ARHGAP42: variants seen among roughly 807,000 people sequenced by gnomAD.
ARHGAP42 encodes the protein rho GTPase-activating protein 42.
A neutral mutation model predicts 125.0 loss-of-function variants in ARHGAP42; 63 were observed. The observed-to-expected ratio is 0.50, with a 90% CI of 0.41 to 0.62. ARHGAP42 has a LOEUF of 0.62. Ranked by LOEUF, ARHGAP42 falls within the 20% of genes least tolerant of loss-of-function variation. ARHGAP42 has a pLI of 0.00. For missense variants in ARHGAP42, 766 were observed against 1,024.2 expected (o/e 0.75, Z 3.44); for synonymous variants, 339 against 351.0 (o/e 0.97, Z 0.38).
chr11:100,878,185 A>G (rs1263842532), intron 4 of ARHGAP42, among the ~76,000 whole-genome samples: 1 of 151,274 alleles, frequency 6.6e-6, no homozygotes, highest in East Asian at 2.0e-4. Flanking sequence ...CTGGAGTGCA[A>G]TGGCACAATC....
intron 1 of ARHGAP42, among the ~76,000 whole-genome samples, chr11:100,700,795 G>A (rs531116476): frequency 6.6e-6 from 1 of 152,146 alleles, no homozygotes; most frequent in African/African-American, 2.4e-5. Flanking sequence ...CATATATAAG[G>A]GTTAAAAATC....
At chr11:100,927,983 A>G (rs976422919) in intron 6 of ARHGAP42, among the ~76,000 whole-genome samples, 3 of 152,110 alleles carry the variant, frequency 2.0e-5, no homozygotes, top group Non-Finnish European at 4.4e-5. Flanking sequence ...CGATTTATAT[A>G]TGCTTTCGTT....
In ARHGAP42 at chr11:100,991,916, A is replaced by G. The variant is rs1454362627; in HGVS notation, c.*3115A>G. ...TTATCTAGGTTTCCAAGTAGGAAAA[A>G]TAAAGATACATATGACTTTTATTAT... On this transcript the variant is annotated 3_prime_UTR_variant, in exon 24 of 24. Transcript: ENST00000298815. The G allele has an allele frequency of 6.2e-6, 1 of 161,204 alleles. No individual in the cohort carries two copies. Among genetic ancestry groups the G allele is most frequent in the Non-Finnish European group, 1.3e-5 (1 of 74,398 alleles). The allele number at this position is 161,204 out of a possible 1,614,324, so 10.0% of individuals were successfully genotyped here.
intron 1 of ARHGAP42, among the ~76,000 whole-genome samples, chr11:100,752,158 G>A (rs1049704142): frequency 2.6e-5 from 4 of 152,136 alleles, no homozygotes; most frequent in Non-Finnish European, 5.9e-5. Context: ...TCTCGTGCAA[G>A]CCTGAACCTG....
At chr11:100,924,426 G>C (rs2135248455) in intron 6 of ARHGAP42, among the ~76,000 whole-genome samples, 1 of 152,062 alleles carries the variant, frequency 6.6e-6, no homozygotes, top group South Asian at 2.1e-4. Flanking sequence ...CAGCACTTTG[G>C]GAGGCCGAGG....
intron 22 of ARHGAP42, among the ~76,000 whole-genome samples, chr11:100,982,416 G>A (rs1175203125): frequency 3.3e-5 from 5 of 152,202 alleles, no homozygotes; most frequent in African/African-American, 4.8e-5. Flanking sequence ...CCCTCCCCAA[G>A]TGATTCTTAT....
chr11:100,974,113 G>C (rs1858325288), intron 18 of ARHGAP42, among the ~76,000 whole-genome samples: 1 of 152,180 alleles, frequency 6.6e-6, no homozygotes, highest in African/African-American at 2.4e-5. Context: ...CCATTCAGTG[G>C]GAGAAATGAT....
At chr11:100,956,017 G>A (rs1857795752) in intron 12 of ARHGAP42, among the ~76,000 whole-genome samples, 1 of 152,094 alleles carries the variant, frequency 6.6e-6, no homozygotes, top group South Asian at 2.1e-4. Flanking sequence ...AACTATTTTA[G>A]CCATCTTGTC....
At chr11:100,936,497 T>C (rs573838430) in intron 8 of ARHGAP42, among the ~76,000 whole-genome samples, 165 bp downstream of exon 8, 1 of 152,336 alleles carries the variant, frequency 6.6e-6, no homozygotes, top group East Asian at 1.9e-4. Flanking sequence ...TTCCGCATTT[T>C]GCCATCAGGA....
chr11:100,737,559 G>T (rs1045533034), intron 1 of ARHGAP42, among the ~76,000 whole-genome samples: 4 of 150,858 alleles, frequency 2.7e-5, no homozygotes, highest in Non-Finnish European at 5.9e-5. Context: ...GATCATACTG[G>T]TGTCCCACCT....
intron 4 of ARHGAP42, among the ~76,000 whole-genome samples, chr11:100,876,568 A>G (rs1010474229): frequency 6.6e-6 from 1 of 152,238 alleles, no homozygotes; most frequent in South Asian, 2.1e-4. Flanking sequence ...TACTTTATAC[A>G]AAATCAGCCA....
At chr11:100,699,374 T>A (rs1591113691) in intron 1 of ARHGAP42, among the ~76,000 whole-genome samples, 1 of 151,006 alleles carries the variant, frequency 6.6e-6, no homozygotes, top group East Asian at 1.9e-4. Context: ...TGCAATTCTA[T>A]ATCTAAAATA....
At chr11:100,945,289 A>G (rs1849475854) in intron 10 of ARHGAP42, among the ~76,000 whole-genome samples, 1 of 151,766 alleles carries the variant, frequency 6.6e-6, no homozygotes, top group Admixed American at 6.6e-5. Context: ...AACTTCCTCC[A>G]CTGAAGTCTT....
rs1005472943 is a variant in ARHGAP42, at chr11:100,687,869, T to C, written c.154+37T>C. 6 of 1,509,438 alleles carry C rather than the reference T, an allele frequency of 4.0e-6. No homozygotes were observed. The African/African-American group carries it at 7.0e-5, about 18-fold the overall frequency. The allele number at this position is 1,509,438 out of a possible 1,614,324, so 93.5% of individuals were successfully genotyped here. A position where few individuals can be genotyped will look rare whatever the true frequency, so the allele number is the denominator to read the frequency against. On this transcript the variant is annotated intron_variant, in intron 1 of 23. Coordinates refer to ENST00000298815, the MANE Select transcript of ARHGAP42 (RefSeq NM_152432.4). ...TGGCGGGGGAGTGGACACCCGCATC[T>C]GGAGAGTCCCCGCGGGGTGCGGGTC...
At chr11:100,908,357 T>C (rs965630224) in intron 4 of ARHGAP42, among the ~76,000 whole-genome samples, 1 of 152,192 alleles carries the variant, frequency 6.6e-6, no homozygotes, top group Non-Finnish European at 1.5e-5. Context: ...ACCTGAATAG[T>C]GTTCATTGTA....
chr11:100,808,054 A>C (rs974378682), intron 3 of ARHGAP42, among the ~76,000 whole-genome samples: 5 of 87,816 alleles, frequency 5.7e-5, no homozygotes, highest in Non-Finnish European at 9.5e-5. Flanking sequence ...TGAGGCACTC[A>C]ATTTTAAAGG....
chr11:100,987,135 G>A (rs1340190190), intron 22 of ARHGAP42, among the ~76,000 whole-genome samples: 1 of 151,596 alleles, frequency 6.6e-6, no homozygotes, highest in Non-Finnish European at 1.5e-5. Flanking sequence ...GAAAGTGGGG[G>A]AAAAAAAAGC....
At chr11:100,922,606 C>A (rs1867310182) in intron 6 of ARHGAP42, among the ~76,000 whole-genome samples, 1 of 152,062 alleles carries the variant, frequency 6.6e-6, no homozygotes, top group Admixed American at 6.6e-5. Context: ...AAAATCCATT[C>A]ATAATAAAAA....
chr11:100,829,114 T>C (rs1444503548), intron 3 of ARHGAP42, among the ~76,000 whole-genome samples: 1 of 152,152 alleles, frequency 6.6e-6, no homozygotes, highest in East Asian at 1.9e-4. Flanking sequence ...CTGTGGCCCT[T>C]ATCCTCATGC....
Sources: gnomAD v4.1 joint callset for allele counts (sites outside exome capture counted in the v4.1 genomes callset) on GRCh38, gnomAD v4.1.1 for gene constraint, MANE v1.5 for transcripts, NCBI Gene and HGNC (gene_info 2026-07-23, HGNC 2026-07-21) for gene names.